Variants in GALNTL6 observed in about 807,000 individuals in gnomAD.
GALNTL6 encodes the protein polypeptide N-acetylgalactosaminyltransferase like 6.
A neutral mutation model predicts 73.7 loss-of-function variants in GALNTL6; 46 were observed. The observed-to-expected ratio is 0.62, with a 90% CI of 0.49 to 0.80. The LOEUF (loss-of-function observed/expected upper bound fraction) is 0.80, where lower values mean the gene tolerates loss of function less well. Among genes scored for constraint, GALNTL6 ranks in the 30% least tolerant of loss-of-function variants. The probability of loss-of-function intolerance (pLI) is 0.00; values close to 1 mark genes in which losing one functional copy is unlikely to be tolerated. For missense variants in GALNTL6, 604 were observed against 755.0 expected, an observed-to-expected ratio of 0.80 and a Z score of 2.34; for synonymous variants, 259 against 263.7, an observed-to-expected ratio of 0.98 and a Z score of 0.17.
chr4:173,016,758 G>C (rs1482920668), intron 11 of GALNTL6, among the ~76,000 whole-genome samples: 3 of 152,194 alleles, frequency 2.0e-5, no homozygotes, highest in Admixed American at 2.0e-4. Flanking sequence ...TTAAGACTTT[G>C]GGGGACTATT....
intron 12 of GALNTL6, among the ~76,000 whole-genome samples, chr4:173,023,662 C>CAA (rs1753108894): frequency 6.6e-6 from 1 of 150,626 alleles, no homozygotes; most frequent in African/African-American, 2.4e-5. Flanking sequence ...AACTCCATCC[C>CAA]AAAAAAAGCA....
At chr4:172,319,279 G>A (rs879512495) in intron 4 of GALNTL6, among the ~76,000 whole-genome samples, 1 of 152,156 alleles carries the variant, frequency 6.6e-6, no homozygotes, top group Non-Finnish European at 1.5e-5. Context: ...AAATGTGATT[G>A]CGGCCAAAGG....
At chr4:171,876,125 C>T (rs568923847) in intron 2 of GALNTL6, among the ~76,000 whole-genome samples, 50 of 152,098 alleles carry the variant, frequency 3.3e-4, no homozygotes, top group East Asian at 2.1e-3. Flanking sequence ...GTTCAATAAA[C>T]GGATTCTTAG....
At chr4:171,825,038 T>C (rs1012338000) in intron 2 of GALNTL6, among the ~76,000 whole-genome samples, 1 of 152,180 alleles carries the variant, frequency 6.6e-6, no homozygotes, top group African/African-American at 2.4e-5. Flanking sequence ...AGTTCTGTTC[T>C]TACTACATGG....
At chr4:172,384,890 C>A (rs1277543200) in intron 5 of GALNTL6, among the ~76,000 whole-genome samples, 1 of 151,928 alleles carries the variant, frequency 6.6e-6, no homozygotes, top group Non-Finnish European at 1.5e-5. Flanking sequence ...AAATTATAGA[C>A]ATGGGCCACT....
At chr4:172,522,348 C>G (rs563320457) in intron 5 of GALNTL6, among the ~76,000 whole-genome samples, 1 of 152,130 alleles carries the variant, frequency 6.6e-6, no homozygotes, top group Non-Finnish European at 1.5e-5. Context: ...CATTTAACTT[C>G]TCTTCCATTC....
rs979197264 is a variant in GALNTL6, at chr4:172,760,967, A to T, written c.554-48394A>T. ...AAAGGATAGGAAAGATGAGAGTAAG[A>T]AAAAGAGGCTCGATGAAGAGAGAAT... is the stretch of plus-strand genomic sequence containing the variant. On this transcript the variant is annotated intron_variant, in intron 5 of 12. Transcript: ENST00000506823. Among the ~76,000 whole-genome samples, 7 of 152,326 alleles carry T rather than the reference A, an allele frequency of 4.6e-5. No homozygotes were observed. The East Asian group carries it at 1.4e-3, about 29-fold the overall frequency.
chr4:172,076,611 T>C (rs903265790), intron 2 of GALNTL6, among the ~76,000 whole-genome samples: 3 of 152,188 alleles, frequency 2.0e-5, no homozygotes, highest in African/African-American at 7.2e-5. Context: ...GTGAGACAAA[T>C]AGCATGCTTT....
intron 3 of GALNTL6, among the ~76,000 whole-genome samples, chr4:172,276,263 G>T (rs943319038): frequency 6.6e-6 from 1 of 152,096 alleles, no homozygotes; most frequent in African/African-American, 2.4e-5. Context: ...CATGTTTCCT[G>T]GAGCCACGGC....
chr4:172,113,572 C>T (rs993023884), intron 2 of GALNTL6, among the ~76,000 whole-genome samples: 9 of 151,920 alleles, frequency 5.9e-5, no homozygotes, highest in Non-Finnish European at 1.2e-4. Context: ...TCATTTTCCC[C>T]AACACTGTGA....
chr4:172,870,439 T>G (rs1347904595), intron 7 of GALNTL6, among the ~76,000 whole-genome samples: 1 of 152,204 alleles, frequency 6.6e-6, no homozygotes, highest in Admixed American at 6.5e-5. Context: ...TTTAAAATTG[T>G]CAAGTATTTT....
intron 3 of GALNTL6, among the ~76,000 whole-genome samples, chr4:172,297,307 C>T (rs1295011812): frequency 1.3e-5 from 2 of 152,054 alleles, no homozygotes; most frequent in Admixed American, 6.6e-5. Flanking sequence ...CTGTAGGTTG[C>T]CTGTTCACTC....
chr4:172,120,322 A>G (rs1270090416), intron 2 of GALNTL6, among the ~76,000 whole-genome samples: 1 of 152,112 alleles, frequency 6.6e-6, no homozygotes, highest in East Asian at 1.9e-4. Context: ...ATCTTATGGG[A>G]TTAAAACTAA....
chr4:172,887,023 C>A (rs1745758976), intron 8 of GALNTL6, among the ~76,000 whole-genome samples: 1 of 151,974 alleles, frequency 6.6e-6, no homozygotes, highest in Admixed American at 6.6e-5. Context: ...CTTTTGTTGT[C>A]ATATTTATGT....
intron 2 of GALNTL6, chr4:172,052,680 AC>A: frequency 1.9e-6 from 1 of 533,116 alleles, no homozygotes. Context: ...CCCAGGGTAG[AC>A]AAGGTTAGCT....
chr4:172,275,724 G>A (rs1738805451), intron 3 of GALNTL6, among the ~76,000 whole-genome samples: 1 of 152,220 alleles, frequency 6.6e-6, no homozygotes, highest in African/African-American at 2.4e-5. Flanking sequence ...TTGGGAGGCT[G>A]AGGCATGAGA....
intron 7 of GALNTL6, among the ~76,000 whole-genome samples, chr4:172,864,348 C>G (rs1744555297): frequency 6.6e-6 from 1 of 152,170 alleles, no homozygotes; most frequent in African/African-American, 2.4e-5. Context: ...CTCCCCTGTC[C>G]TAGCCAGAAT....
intron 9 of GALNTL6, among the ~76,000 whole-genome samples, chr4:172,949,865 C>T (rs2126338703): frequency 6.7e-6 from 1 of 148,306 alleles, no homozygotes; most frequent in East Asian, 2.0e-4. Context: ...GCCAAGATTG[C>T]ACCACTGCAC....
At chr4:172,103,255 C>A (rs1425308092) in intron 2 of GALNTL6, among the ~76,000 whole-genome samples, 1 of 152,070 alleles carries the variant, frequency 6.6e-6, no homozygotes, top group Non-Finnish European at 1.5e-5. Context: ...GGTTTTTAAC[C>A]GGAAGCCAGA....
Sources: allele counts gnomAD v4.1 joint callset (sites outside exome capture counted in the v4.1 genomes callset), GRCh38; gene constraint gnomAD v4.1.1; transcripts MANE v1.5; gene names NCBI Gene and HGNC (gene_info 2026-07-23, HGNC 2026-07-21).